FLACC1: variants seen among roughly 807,000 people sequenced by gnomAD.
FLACC1 encodes flagellum-associated coiled-coil domain-containing protein 1.
In FLACC1, 66 loss-of-function variants were observed where a neutral mutation model predicts 62.8. The ratio of observed to expected loss-of-function variants is 1.05; its 90% CI spans 0.86 to 1.29. The LOEUF (loss-of-function observed/expected upper bound fraction) is 1.29, where lower values mean the gene tolerates loss of function less well. Among genes scored for constraint, FLACC1 ranks in the 50% most tolerant of loss-of-function variants. The pLI, the probability that FLACC1 is intolerant of heterozygous loss-of-function variation, is 0.00. For missense variants in FLACC1, 452 were observed against 489.1 expected (o/e 0.92, Z 0.71); for synonymous variants, 156 against 161.0 (o/e 0.97, Z 0.24).
At chr2:201,300,373 G>T (rs1559387982) in intron 11 of FLACC1, among the ~76,000 whole-genome samples, 1 of 152,164 alleles carries the variant, frequency 6.6e-6, no homozygotes, top group Admixed American at 6.5e-5. Flanking sequence ...GTGAGGCTGG[G>T]GGATGGGCGC....
At chr2:201,290,998 C>T (rs1441772751) in intron 12 of FLACC1, among the ~76,000 whole-genome samples, 1 of 152,182 alleles carries the variant, frequency 6.6e-6, no homozygotes, top group East Asian at 1.9e-4. Context: ...CCCACCATTG[C>T]TGAGGATTGA....
intron 9 of FLACC1, among the ~76,000 whole-genome samples, chr2:201,321,905 C>T (rs1018906743): frequency 6.6e-6 from 1 of 152,148 alleles, no homozygotes; most frequent in African/African-American, 2.4e-5. Flanking sequence ...GCTTTAGCCA[C>T]AGCTGATTCC....
At chr2:201,362,066 A>C (rs1371204031), upstream of FLACC1, among the ~76,000 whole-genome samples, 1 of 152,238 alleles carries the variant, frequency 6.6e-6, no homozygotes, top group Non-Finnish European at 1.5e-5. Context: ...AAAAACAGAA[A>C]AATAAAACTT....
intron 4 of FLACC1, among the ~76,000 whole-genome samples, chr2:201,347,849 T>C (rs2125619315): frequency 6.6e-6 from 1 of 152,320 alleles, no homozygotes; most frequent in African/African-American, 2.4e-5. Flanking sequence ...TCTCATCACC[T>C]TCTCCAGTGC....
At chr2:201,362,237 T>C (rs1951191300), upstream of FLACC1, among the ~76,000 whole-genome samples, 1 of 152,176 alleles carries the variant, frequency 6.6e-6, no homozygotes, top group South Asian at 2.1e-4. Context: ...ATGATGAGAA[T>C]AGCACTAAAT....
the FLACC1 span, among the ~76,000 whole-genome samples, chr2:201,362,900 A>G: frequency 6.6e-6 from 1 of 152,152 alleles, no homozygotes; most frequent in Non-Finnish European, 1.5e-5. Flanking sequence ...TAGTAGGTGC[A>G]GGGATTGTGC....
chr2:201,310,602 A>T (rs1431995103), intron 9 of FLACC1, among the ~76,000 whole-genome samples: 2 of 152,270 alleles, frequency 1.3e-5, no homozygotes, highest in East Asian at 3.9e-4. Flanking sequence ...GCCTTCATCA[A>T]ATGAGCTGAT....
rs545909956 is a variant in FLACC1, at chr2:201,334,272, T to G, written c.525-3439A>C. On this transcript the variant is annotated intron_variant, in intron 7 of 14. Transcript: ENST00000392257. ...ATTCTATTAATGTGAGGTATCACAT[T>G]TATTGATTTGTGTGTGTCCAACCGT... 2.4e-4 allele frequency among the ~76,000 whole-genome samples: 37 copies of G among 152,318 alleles called. 1 individual carries two copies. The East Asian group carries it at 2.5e-3, about 10-fold the overall frequency.
chr2:201,334,944 CT>C (rs1048986841), intron 7 of FLACC1, among the ~76,000 whole-genome samples: 1 of 151,914 alleles, frequency 6.6e-6, no homozygotes, highest in African/African-American at 2.4e-5. Context: ...GGATGGTAGG[CT>C]TTTTATTACT....
At position 201,357,029 on chromosome 2, in the gene FLACC1, A is replaced by G. The variant is rs1048179166; in HGVS notation, c.-95T>C. ...TATTCTCATGTGGCCCAAGTCAAAC[A>G]TCTTAAAGAAACCACCATGTTAGAG... is the stretch of plus-strand genomic sequence containing the variant. On this transcript the variant is annotated 5_prime_UTR_variant, in exon 1 of 15. It removes an upstream start codon present in the reference 5' UTR. Coordinates refer to ENST00000392257, the MANE Select transcript of FLACC1 (RefSeq NM_001127391.3). The G allele has an allele frequency of 2.6e-5, 4 of 152,260 alleles. No homozygotes were observed. The highest frequency in any genetic ancestry group is 4.8e-5 in the African/African-American group (2 of 41,470). The allele number at this position is 152,260 out of a possible 1,614,324, so 9.4% of individuals were successfully genotyped here. A position where few individuals can be genotyped will look rare whatever the true frequency, so the allele number is the denominator to read the frequency against.
intron 9 of FLACC1, among the ~76,000 whole-genome samples, chr2:201,313,565 A>G (rs911939318): frequency 3.3e-5 from 5 of 152,246 alleles, no homozygotes; most frequent in Middle Eastern, 6.8e-3. Context: ...AGACTCGCCC[A>G]AGAAGAGTCT....
In FLACC1 at chr2:201,339,730, T is replaced by C. The variant is rs13414588; in HGVS notation, c.524+2640A>G. On this transcript the variant is annotated intron_variant, in intron 7 of 14. Transcript: ENST00000392257. ...ATAGTTTCCAAAGTTTTTCTTGTTA[T>C]TGATTTCTAGTTTTATTCTAATCTT... is the stretch of plus-strand genomic sequence containing the variant. Among the ~76,000 whole-genome samples, 1,414 of 152,346 alleles carry C rather than the reference T, an allele frequency of 9.3e-3. 31 individuals carry two copies. The highest frequency in any genetic ancestry group is 0.033 in the African/African-American group (1,355 of 41,582).
At chr2:201,335,803 G>T (rs1223390530) in intron 7 of FLACC1, among the ~76,000 whole-genome samples, 1 of 152,102 alleles carries the variant, frequency 6.6e-6, no homozygotes, top group Admixed American at 6.5e-5. Context: ...TCCAATCCAT[G>T]AACATGGAAT....
At position 201,289,548 on chromosome 2, in the gene FLACC1, G is replaced by T. The variant is rs1949680402; in HGVS notation, c.1051C>A (p.Leu351Met). ...AACTTGGTTTGAAGCATTTTCTCCA[G>T]ATTTCCCACTATAGCTTTCTGAAAG... ...LQKEKAIVGN[L>M]EKMLQTKFAE... The change falls in exon 14 of 15, where the codon CTG (leucine) becomes ATG (methionine). Residue 351 changes from leucine (L) to methionine (M), a missense_variant. Physicochemically the swap from Leu to Met is conservative, Grantham distance 15 (BLOSUM62 2). Transcript: ENST00000392257. The T allele has an allele frequency of 1.2e-6, 2 of 1,614,142 alleles. No individual in the cohort carries two copies. The highest frequency in any genetic ancestry group is 4.5e-5 in the East Asian group (2 of 44,886).
intron 5 of FLACC1, among the ~76,000 whole-genome samples, chr2:201,344,864 T>A (rs908894191): frequency 1.3e-5 from 2 of 152,228 alleles, no homozygotes; most frequent in Non-Finnish European, 2.9e-5. Flanking sequence ...AAGTCCTCAA[T>A]GCAAGATGCT....
At chr2:201,330,674 T>G (rs555638429) in intron 8 of FLACC1, 62 bp downstream of exon 8, 1 of 1,577,470 alleles carries the variant, frequency 6.3e-7, no homozygotes, top group South Asian at 1.1e-5. Flanking sequence ...CCCTAGAAGC[T>G]TATTAGAAAT....
intron 11 of FLACC1, among the ~76,000 whole-genome samples, chr2:201,300,046 C>T (rs920091731): frequency 6.6e-6 from 1 of 152,172 alleles, no homozygotes; most frequent in African/African-American, 2.4e-5. Context: ...GTACCAGGTT[C>T]ATCTCACTGG....
At chr2:201,293,257 A>G (rs1411684778) in intron 12 of FLACC1, among the ~76,000 whole-genome samples, 1 of 152,228 alleles carries the variant, frequency 6.6e-6, no homozygotes, top group Admixed American at 6.5e-5. Context: ...TCCAAAATTG[A>G]CCACATAGTT....
At chr2:201,356,528 G>T (rs188800943) in intron 1 of FLACC1, among the ~76,000 whole-genome samples, 51 of 152,268 alleles carry the variant, frequency 3.3e-4, no homozygotes, top group African/African-American at 1.1e-3. Context: ...TCTTAAGTGG[G>T]AACTACTTCT....
Sources: allele counts gnomAD v4.1 joint callset (sites outside exome capture counted in the v4.1 genomes callset), GRCh38; gene constraint gnomAD v4.1.1; transcripts MANE v1.5; gene names NCBI Gene and HGNC (gene_info 2026-07-23, HGNC 2026-07-21).